The following ZNF804B variants were observed in gnomAD, a reference collection of about 807,000 sequenced individuals.
The protein encoded by ZNF804B is zinc finger 804B.
ZNF804B carries 80 observed loss-of-function variants against 101.4 expected under a neutral mutation model. The observed-to-expected ratio is 0.79, with a 90% CI of 0.66 to 0.95. The LOEUF (loss-of-function observed/expected upper bound fraction) is 0.95. Among genes scored for constraint, ZNF804B ranks in the 40% least tolerant of loss-of-function variants. ZNF804B has a pLI of 0.00. For missense variants in ZNF804B, 1,673 were observed against 1,561.9 expected (o/e 1.07, Z -1.20); for synonymous variants, 622 against 558.8 (o/e 1.11, Z -1.59).
At chr7:88,962,706 C>CAT (rs1245255097) in intron 1 of ZNF804B, among the ~76,000 whole-genome samples, 1 of 61,886 alleles carries the variant, frequency 1.6e-5, no homozygotes, top group African/African-American at 5.6e-5. Flanking sequence ...TTGTTAAACT[C>CAT]ACATATATAT....
At chr7:89,291,480 A>G (rs931342660) in intron 2 of ZNF804B, among the ~76,000 whole-genome samples, 2 of 152,216 alleles carry the variant, frequency 1.3e-5, no homozygotes, top group African/African-American at 2.4e-5. Flanking sequence ...GAAAAATGCA[A>G]TTAATGTACT....
chr7:88,797,858 T>C (rs1790514448), intron 1 of ZNF804B, among the ~76,000 whole-genome samples: 1 of 152,102 alleles, frequency 6.6e-6, no homozygotes, highest in South Asian at 2.1e-4. Context: ...ATATAAAGAA[T>C]TGCCACAGCA....
chr7:89,204,626 C>A (rs368957549), intron 1 of ZNF804B, among the ~76,000 whole-genome samples: 8 of 152,276 alleles, frequency 5.3e-5, no homozygotes, highest in African/African-American at 1.7e-4. Flanking sequence ...AAAATCTCTT[C>A]ATGCAAAGTA....
At chr7:89,036,323 A>G (rs1341453016) in intron 1 of ZNF804B, among the ~76,000 whole-genome samples, 5 of 151,722 alleles carry the variant, frequency 3.3e-5, no homozygotes, top group Non-Finnish European at 5.9e-5. Flanking sequence ...AGGTAATACT[A>G]TATGTAAGAC....
At chr7:89,223,444 T>C (rs1382235233) in intron 2 of ZNF804B, among the ~76,000 whole-genome samples, 1 of 151,886 alleles carries the variant, frequency 6.6e-6, no homozygotes. Context: ...ATGTGTTTAT[T>C]TTATCACAAA....
chr7:89,208,779 G>A (rs762239510), intron 1 of ZNF804B, among the ~76,000 whole-genome samples: 22 of 152,198 alleles, frequency 1.4e-4, no homozygotes, highest in Middle Eastern at 3.4e-3. Flanking sequence ...TTGAGAGGCC[G>A]AGGTGGGTGG....
chr7:88,854,423 C>CTTCCTTCCTTTCTTTCTTTCTT (rs1791504802), intron 1 of ZNF804B, among the ~76,000 whole-genome samples: 2 of 99,878 alleles, frequency 2.0e-5, no homozygotes, highest in African/African-American at 7.6e-5. Context: ...TCCTTTCTTT[C>CTTCCTTCCTTTCTTTCTTTCTT]TTTCTTTCTT....
At chr7:89,139,065 T>C (rs1471105409) in intron 1 of ZNF804B, among the ~76,000 whole-genome samples, 2 of 152,100 alleles carry the variant, frequency 1.3e-5, no homozygotes, top group East Asian at 3.9e-4. Context: ...TTGCAGGTTT[T>C]GCTCCAGACC....
chr7:89,181,038 C>G (rs1788288235), intron 1 of ZNF804B, among the ~76,000 whole-genome samples: 1 of 151,548 alleles, frequency 6.6e-6, no homozygotes, highest in South Asian at 2.1e-4. Flanking sequence ...GTACCCTACT[C>G]TACTGTGGCT....
At chr7:88,992,136 G>A (rs1050725209) in intron 1 of ZNF804B, among the ~76,000 whole-genome samples, 14 of 152,060 alleles carry the variant, frequency 9.2e-5, no homozygotes, top group Admixed American at 8.5e-4. Context: ...AGCCATTGAC[G>A]GCTTAAATGG....
chr7:88,938,274 T>G (rs559111206), intron 1 of ZNF804B, among the ~76,000 whole-genome samples: 13 of 152,182 alleles, frequency 8.5e-5, no homozygotes, highest in Non-Finnish European at 1.5e-5. Flanking sequence ...TTATAATGGC[T>G]GCCCTTAGAG....
At chr7:88,831,029 T>A (rs1035741247) in intron 1 of ZNF804B, among the ~76,000 whole-genome samples, 9 of 151,878 alleles carry the variant, frequency 5.9e-5, no homozygotes, top group East Asian at 3.9e-4. Flanking sequence ...GATTAAAAAA[T>A]TTTTTTGAAA....
chr7:89,246,852 A>C (rs1278806825), intron 2 of ZNF804B, among the ~76,000 whole-genome samples: 1 of 152,136 alleles, frequency 6.6e-6, no homozygotes, highest in Non-Finnish European at 1.5e-5. Context: ...GCAGATTGGC[A>C]ACCTGAGCTG....
chr7:89,104,590 C>T (rs1333521954), intron 1 of ZNF804B, among the ~76,000 whole-genome samples: 1 of 151,940 alleles, frequency 6.6e-6, no homozygotes, highest in Non-Finnish European at 1.5e-5. Context: ...TGTCATGTCA[C>T]CTTATTTTTC....
intron 1 of ZNF804B, among the ~76,000 whole-genome samples, chr7:88,897,702 A>C (rs1426192520): frequency 6.6e-6 from 1 of 152,158 alleles, no homozygotes; most frequent in Non-Finnish European, 1.5e-5. Context: ...TTGAGTGGCA[A>C]AGCTGAGATT....
At chr7:89,310,555 C>A (rs1790636590) in intron 2 of ZNF804B, among the ~76,000 whole-genome samples, 1 of 152,024 alleles carries the variant, frequency 6.6e-6, no homozygotes, top group South Asian at 2.1e-4. Context: ...AAGGAAATTG[C>A]AAAAACCCTT....
chr7:88,808,764 G>A (rs1004690589), intron 1 of ZNF804B, among the ~76,000 whole-genome samples: 2 of 152,204 alleles, frequency 1.3e-5, no homozygotes, highest in African/African-American at 2.4e-5. Flanking sequence ...AAGTGGTACT[G>A]ATAGCAGGAT....
intron 1 of ZNF804B, among the ~76,000 whole-genome samples, chr7:88,998,243 C>G (rs1417188995): frequency 6.6e-6 from 1 of 152,036 alleles, no homozygotes; most frequent in African/African-American, 2.4e-5. Flanking sequence ...CCTGGCTAGC[C>G]TCTACTCACT....
intron 2 of ZNF804B, among the ~76,000 whole-genome samples, chr7:89,220,818 T>C (rs1788993974): frequency 6.6e-6 from 1 of 152,006 alleles, no homozygotes; most frequent in Admixed American, 6.6e-5. Context: ...TTTTGGTATA[T>C]TTTAATCTAT....
Sources: allele counts gnomAD v4.1 joint callset (sites outside exome capture counted in the v4.1 genomes callset), GRCh38; gene constraint gnomAD v4.1.1; transcripts MANE v1.5; gene names NCBI Gene and HGNC (gene_info 2026-07-23, HGNC 2026-07-21).